MGAT5: variants seen among roughly 807,000 people sequenced by gnomAD.
MGAT5 encodes alpha-1,6-mannosylglycoprotein 6-beta-N-acetylglucosaminyltransferase A.
MGAT5 carries 30 observed loss-of-function variants against 94.3 expected under a neutral mutation model. That is an observed-to-expected ratio of 0.32 (90% CI 0.24 to 0.43). The LOEUF is 0.43. MGAT5 is among the 20% of genes least tolerant of loss of function. The probability of loss-of-function intolerance (pLI) is 1.00; values close to 1 mark genes in which losing one functional copy is unlikely to be tolerated. For missense variants in MGAT5, 691 were observed against 905.5 expected (o/e 0.76, Z 3.04); for synonymous variants, 310 against 322.9 (o/e 0.96, Z 0.43).
chr2:134,169,427 C>G (rs1688104547), intron 1 of MGAT5, among the ~76,000 whole-genome samples: 2 of 151,248 alleles, frequency 1.3e-5, no homozygotes, highest in Non-Finnish European at 2.9e-5. Flanking sequence ...CACACACACA[C>G]ACACACACAC....
At chr2:134,275,829 C>T (rs1241501308) in intron 2 of MGAT5, among the ~76,000 whole-genome samples, 2 of 151,806 alleles carry the variant, frequency 1.3e-5, no homozygotes, top group Non-Finnish European at 1.5e-5. Context: ...CTCAAACGAT[C>T]CTCCCACCTC....
chr2:134,438,015 A>AAAAG (rs386391266), intron 14 of MGAT5, among the ~76,000 whole-genome samples: 1 of 65,886 alleles, frequency 1.5e-5, no homozygotes, highest in East Asian at 6.4e-4. Flanking sequence ...ACTCCGTCTC[A>AAAAG]AAAAAAAAAA....
At chr2:134,208,778 A>G (rs991791811) in intron 1 of MGAT5, among the ~76,000 whole-genome samples, 3 of 152,246 alleles carry the variant, frequency 2.0e-5, no homozygotes, top group African/African-American at 7.2e-5. Context: ...TTAATAAAAC[A>G]TTACCTTACC....
At position 134,254,392 on chromosome 2, in the gene MGAT5, T is replaced by A; in HGVS notation, c.-12T>A. ...GTTAAGAGCCAAGGACAGGTGAAGT[T>A]GCCAGAGAGCAATGGCTCTCTTCAC... On this transcript the variant is annotated 5_prime_UTR_variant, in exon 1 of 16. Coordinates refer to ENST00000281923, the MANE Select transcript of MGAT5 (RefSeq NM_002410.5). The A allele has an allele frequency of 3.7e-6, 6 of 1,613,992 alleles. No individual in the cohort carries two copies. Among genetic ancestry groups the A allele is most frequent in the Non-Finnish European group, 5.1e-6 (6 of 1,179,944 alleles).
At chr2:134,381,406 A>ATAGATAGATAGATAAGATAGAT (rs1681591297) in intron 10 of MGAT5, among the ~76,000 whole-genome samples, 1 of 116,464 alleles carries the variant, frequency 8.6e-6, no homozygotes, top group Non-Finnish European at 1.9e-5. Context: ...AGATAGATAG[A>ATAGATAGATAGATAAGATAGAT]TAGATAGATA....
upstream of MGAT5, among the ~76,000 whole-genome samples, chr2:134,252,372 C>T (rs555065679): frequency 3.9e-5 from 6 of 152,224 alleles, no homozygotes; most frequent in South Asian, 2.1e-4. Flanking sequence ...GAGGAACTTA[C>T]GTTATGATAG....
At chr2:134,369,172 G>A (rs1680626052) in intron 10 of MGAT5, among the ~76,000 whole-genome samples, 1 of 152,176 alleles carries the variant, frequency 6.6e-6, no homozygotes, top group Non-Finnish European at 1.5e-5. Flanking sequence ...CCTAAGTTTA[G>A]CTTAAATTAC....
intron 1 of MGAT5, among the ~76,000 whole-genome samples, chr2:134,239,931 T>C (rs1457594016): frequency 6.6e-6 from 1 of 152,054 alleles, no homozygotes; most frequent in Non-Finnish European, 1.5e-5. Flanking sequence ...TGGAAGTGGA[T>C]GGTGAGCTTT....
intron 14 of MGAT5, among the ~76,000 whole-genome samples, chr2:134,431,869 C>T (rs1376376499): frequency 1.3e-5 from 2 of 152,180 alleles, no homozygotes; most frequent in Non-Finnish European, 2.9e-5. Context: ...CCACCTCATA[C>T]CCAGTCCTCC....
At chr2:134,256,238 C>CA (rs1682954243) in intron 1 of MGAT5, among the ~76,000 whole-genome samples, 1 of 152,162 alleles carries the variant, frequency 6.6e-6, no homozygotes, top group African/African-American at 2.4e-5. Context: ...CTCATTGACT[C>CA]ACATTTGTGT....
chr2:134,333,734 C>G (rs1205094775), intron 4 of MGAT5, among the ~76,000 whole-genome samples: 1 of 152,020 alleles, frequency 6.6e-6, no homozygotes, highest in Non-Finnish European at 1.5e-5. Context: ...TTGTTACTAG[C>G]CTTCAGCAAG....
At chr2:134,397,755 G>A (rs1008601471) in intron 10 of MGAT5, among the ~76,000 whole-genome samples, 1 of 152,166 alleles carries the variant, frequency 6.6e-6, no homozygotes, top group Non-Finnish European at 1.5e-5. Context: ...CCACTGTTGA[G>A]ACAACGAGCC....
chr2:134,438,792 C>G (rs1685314097), intron 14 of MGAT5, among the ~76,000 whole-genome samples: 1 of 152,176 alleles, frequency 6.6e-6, no homozygotes, highest in Admixed American at 6.5e-5. Flanking sequence ...CTGGGGCACT[C>G]TGCTTACCCA....
chr2:134,280,307 CCTT>C lies in MGAT5; in HGVS notation c.406+9763_406+9765del, dbSNP rs1369569010. 8.5e-5 allele frequency among the ~76,000 whole-genome samples: 13 copies of C among 152,272 alleles called. No individual in the cohort carries two copies. The East Asian group carries it at 2.1e-3, about 25-fold the overall frequency. ...AGAAATAATCTTCATCTCACAGCCT[CCTT>C]CTTCTGTACTTCTTTTACCCTTGAA... On this transcript the variant is annotated intron_variant, in intron 2 of 15. Transcript: ENST00000281923.
intron 2 of MGAT5, among the ~76,000 whole-genome samples, chr2:134,298,948 T>C (rs1685857913): frequency 6.6e-6 from 1 of 152,214 alleles, no homozygotes; most frequent in African/African-American, 2.4e-5. Context: ...AAGTCACATT[T>C]AGAAGATAAG....
At chr2:134,362,140 C>G (rs1293285983) in intron 9 of MGAT5, 135 bp from the exon 10 acceptor site, 2 of 1,022,846 alleles carry the variant, frequency 2.0e-6, no homozygotes, top group Non-Finnish European at 2.9e-6. Flanking sequence ...CCTCACCTCC[C>G]TCAGGTAAGA....
At chr2:134,316,687 A>G (rs1035095384) in intron 2 of MGAT5, among the ~76,000 whole-genome samples, 6 of 152,110 alleles carry the variant, frequency 3.9e-5, no homozygotes, top group Non-Finnish European at 8.8e-5. Context: ...AATCTCAAAC[A>G]TTTCTCATTT....
chr2:134,433,741 G>A (rs966129121), intron 14 of MGAT5, among the ~76,000 whole-genome samples: 1 of 151,990 alleles, frequency 6.6e-6, no homozygotes. Context: ...TTTCTCAGCT[G>A]TAACACAGAT....
intron 1 of MGAT5, among the ~76,000 whole-genome samples, chr2:134,181,344 T>C (rs1052626579): frequency 6.6e-6 from 1 of 152,230 alleles, no homozygotes; most frequent in Non-Finnish European, 1.5e-5. Context: ...TCTACACTCA[T>C]GTAAACCGGA....
Sources: gnomAD v4.1 joint callset for allele counts (sites outside exome capture counted in the v4.1 genomes callset) on GRCh38, gnomAD v4.1.1 for gene constraint, MANE v1.5 for transcripts, NCBI Gene and HGNC (gene_info 2026-07-23, HGNC 2026-07-21) for gene names.